The following MYLK variants were observed in gnomAD, a reference collection of about 807,000 sequenced individuals.
MYLK encodes the protein myosin light chain kinase, also known as myosin light chain kinase, smooth muscle.
Under a neutral mutation model 203.4 loss-of-function variants are expected in MYLK, and 106 were observed. The ratio of observed to expected loss-of-function variants is 0.52; its 90% CI spans 0.45 to 0.61. MYLK has a LOEUF of 0.61. Ranked by LOEUF, MYLK falls within the 20% of genes least tolerant of loss-of-function variation. The pLI, the probability that MYLK is intolerant of heterozygous loss-of-function variation, is 0.00. For synonymous variants in MYLK, 867 were observed against 959.5 expected, an observed-to-expected ratio of 0.90 and a Z score of 1.78; for missense variants, 2,072 against 2,442.3, an observed-to-expected ratio of 0.85 and a Z score of 3.20.
At chr3:123,845,436 T>C (rs1467129453) in intron 2 of MYLK, among the ~76,000 whole-genome samples, 1 of 152,158 alleles carries the variant, frequency 6.6e-6, no homozygotes, top group East Asian at 1.9e-4. Flanking sequence ...GGGACAGAGT[T>C]CAAAGTTGAC....
intron 13 of MYLK, among the ~76,000 whole-genome samples, chr3:123,711,867 T>C (rs549216831): frequency 9.2e-5 from 14 of 152,246 alleles, no homozygotes; most frequent in Non-Finnish European, 1.8e-4. Flanking sequence ...GGGTATGTAA[T>C]GTATCTGGGC....
At chr3:123,817,145 T>G (rs1193151986) in intron 3 of MYLK, among the ~76,000 whole-genome samples, 1 of 152,122 alleles carries the variant, frequency 6.6e-6, no homozygotes, top group African/African-American at 2.4e-5. Context: ...TTCCTCAGGG[T>G]TATGAGGATA....
rs923314027 is a variant in MYLK at position 123,612,753 on chromosome 3, T to C, written c.*1352A>G. 4 of 152,628 alleles carry C rather than the reference T, an allele frequency of 2.6e-5. No individual in the cohort carries two copies. Among genetic ancestry groups the C allele is most frequent in the African/African-American group, 9.7e-5 (4 of 41,442 alleles). The allele number at this position is 152,628 out of a possible 1,614,324, so 9.5% of individuals were successfully genotyped here. ...ACTGAAGTAATTTTAAATTGGTTCTTAAGGAACTCTTAAAAAGTCCCTTAA... is the reference window on the plus strand; with the variant it reads ...ACTGAAGTAATTTTAAATTGGTTCTCAAGGAACTCTTAAAAAGTCCCTTAA... On this transcript the variant is annotated 3_prime_UTR_variant, in exon 34 of 34. Transcript: ENST00000360304.
intron 11 of MYLK, among the ~76,000 whole-genome samples, chr3:123,730,721 A>T (rs1163840174): frequency 2.0e-5 from 3 of 152,214 alleles, no homozygotes; most frequent in Non-Finnish European, 4.4e-5. Context: ...CATAGAGACA[A>T]AAAGTATATT....
At chr3:123,735,027 C>A in intron 9 of MYLK, 1 of 350,714 alleles carries the variant, frequency 2.9e-6, no homozygotes, top group Non-Finnish European at 5.6e-6. Context: ...CCGAGCCTCA[C>A]ACACAGGAAA....
At chr3:123,810,651 G>A (rs766461294) in intron 3 of MYLK, among the ~76,000 whole-genome samples, 10 of 152,328 alleles carry the variant, frequency 6.6e-5, no homozygotes, top group African/African-American at 1.2e-4. Flanking sequence ...CTTCCCTGTC[G>A]TGCTCCTCAG....
At chr3:123,797,407 T>C (rs1337237337) in intron 3 of MYLK, among the ~76,000 whole-genome samples, 1 of 152,096 alleles carries the variant, frequency 6.6e-6, no homozygotes, top group Non-Finnish European at 1.5e-5. Flanking sequence ...AGCAGTTACA[T>C]GAGTGGGGCA....
intron 3 of MYLK, 80 bp from the exon 4 acceptor site, chr3:123,793,924 A>C (rs948497146): frequency 3.3e-6 from 5 of 1,534,384 alleles, no homozygotes; most frequent in Non-Finnish European, 4.5e-6. Context: ...AGGTGTGTCC[A>C]GTCTGGAGGT....
At chr3:123,681,446 AC>A (rs1365695321) in intron 20 of MYLK, 3 of 152,652 alleles carry the variant, frequency 2.0e-5, no homozygotes, top group Non-Finnish European at 1.5e-5. Flanking sequence ...GGAGGATGAG[AC>A]CCAGACACAT....
intron 1 of MYLK, among the ~76,000 whole-genome samples, chr3:123,883,565 G>C (rs953887162): frequency 2.6e-5 from 4 of 152,272 alleles, no homozygotes; most frequent in African/African-American, 9.6e-5. Context: ...TTCCAGGGAG[G>C]GGTCTACCTC....
intron 3 of MYLK, among the ~76,000 whole-genome samples, chr3:123,802,015 G>C (rs1660078565): frequency 6.6e-6 from 1 of 152,194 alleles, no homozygotes; most frequent in South Asian, 2.1e-4. Flanking sequence ...CTGCCCCAGT[G>C]GCTGGACTAA....
At chr3:123,633,952 G>C (rs2058540132) in intron 29 of MYLK, among the ~76,000 whole-genome samples, 1 of 152,106 alleles carries the variant, frequency 6.6e-6, no homozygotes, top group Non-Finnish European at 1.5e-5. Context: ...TGAGTAGCTG[G>C]GACCACAGGT....
chr3:123,640,651 C>T lies in MYLK; in HGVS notation c.4620-147G>A. The T allele has an allele frequency of 2.4e-6, 2 of 827,292 alleles. No homozygotes were observed. Among genetic ancestry groups the T allele is most frequent in the Non-Finnish European group, 4.0e-6 (2 of 498,324 alleles). 51.2% of individuals were successfully genotyped at this position (827,292 alleles called of 1,614,324 possible). ...TGATGGGCAATTCCTGAATCCCCAC[C>T]CTCCGACATGGGAGAAGGGTCAGGG... is the stretch of plus-strand genomic sequence containing the variant. On this transcript the variant is annotated intron_variant, in intron 27 of 33. Coordinates refer to ENST00000360304, the MANE Select transcript of MYLK (RefSeq NM_053025.4). The surrounding 1 kb of genome is among the most constrained non-coding windows in gnomAD (Gnocchi z 4.3).
chr3:123,740,170 A>G (rs926271934), intron 5 of MYLK, among the ~76,000 whole-genome samples, 169 bp from the exon 6 acceptor site: 3 of 152,252 alleles, frequency 2.0e-5, no homozygotes, highest in Non-Finnish European at 4.4e-5. Context: ...ATACATTATC[A>G]TGTGAATTTC....
intron 5 of MYLK, among the ~76,000 whole-genome samples, chr3:123,741,518 A>G (rs2062854773): frequency 6.6e-6 from 1 of 152,224 alleles, no homozygotes; most frequent in Non-Finnish European, 1.5e-5. Flanking sequence ...CTGACAGTCA[A>G]GATGCTGGGC....
At chr3:123,652,909 C>G (rs1012623341) in intron 24 of MYLK, among the ~76,000 whole-genome samples, 3 of 152,122 alleles carry the variant, frequency 2.0e-5, no homozygotes, top group Non-Finnish European at 2.9e-5. Context: ...CACTGGAGCT[C>G]CACGGGGAAC....
chr3:123,760,264 C>T (rs1039269293), intron 4 of MYLK, among the ~76,000 whole-genome samples: 4 of 152,144 alleles, frequency 2.6e-5, no homozygotes, highest in East Asian at 1.9e-4. Context: ...CCGCAACCTC[C>T]GCCTCCCGGG....
intron 5 of MYLK, among the ~76,000 whole-genome samples, chr3:123,747,790 C>T (rs935774180): frequency 7.2e-5 from 11 of 152,190 alleles, no homozygotes; most frequent in African/African-American, 2.7e-4. Flanking sequence ...TTTGGCTTTC[C>T]CTGGGCTCCT....
At chr3:123,829,132 G>A (rs2066236940) in intron 3 of MYLK, among the ~76,000 whole-genome samples, 3 of 152,252 alleles carry the variant, frequency 2.0e-5, no homozygotes, top group East Asian at 1.9e-4. Context: ...TCGAAGAGAC[G>A]TCTGTATCCC....
Sources: allele counts gnomAD v4.1 joint callset (sites outside exome capture counted in the v4.1 genomes callset), GRCh38; gene constraint gnomAD v4.1.1; non-coding constraint Gnocchi (gnomAD v3.1); transcripts MANE v1.5; gene names NCBI Gene and HGNC (gene_info 2026-07-23, HGNC 2026-07-21).